Variants in TENM3 observed in about 807,000 individuals in gnomAD.
TENM3 encodes teneurin transmembrane protein 3, also known as teneurin-3.
Under a neutral mutation model 255.1 loss-of-function variants are expected in TENM3, and 63 were observed. The observed-to-expected ratio is 0.25, with a 90% CI of 0.20 to 0.30. The LOEUF (loss-of-function observed/expected upper bound fraction) is 0.30. Among genes scored for constraint, TENM3 ranks in the 10% least tolerant of loss-of-function variants. The pLI, the probability that TENM3 is intolerant of heterozygous loss-of-function variation, is 1.00. For synonymous variants in TENM3, 1,306 were observed against 1,322.3 expected, an observed-to-expected ratio of 0.99 and a Z score of 0.27; for missense variants, 2,929 against 3,461.1, an observed-to-expected ratio of 0.85 and a Z score of 3.86.
chr4:182,028,111 T>C, the TENM3 span, among the ~76,000 whole-genome samples: 4 of 152,166 alleles, frequency 2.6e-5, no homozygotes, highest in Non-Finnish European at 5.9e-5. Context: ...GGCTTTTCTT[T>C]ACAGGAAGAC....
At chr4:182,474,139 A>C (rs1171267422) in intron 3 of TENM3, among the ~76,000 whole-genome samples, 1 of 152,144 alleles carries the variant, frequency 6.6e-6, no homozygotes, top group Non-Finnish European at 1.5e-5. Flanking sequence ...AGATCAGCCA[A>C]GTCAATATAA....
chr4:181,731,393 AC>A, the TENM3 span, among the ~76,000 whole-genome samples: 1 of 152,146 alleles, frequency 6.6e-6, no homozygotes, highest in East Asian at 1.9e-4. Context: ...TCACTTTGTC[AC>A]CCGGGCTGGA....
At chr4:182,781,423 G>T (rs1765158177) in intron 24 of TENM3, among the ~76,000 whole-genome samples, 1 of 148,610 alleles carries the variant, frequency 6.7e-6, no homozygotes, top group Non-Finnish European at 1.5e-5. Flanking sequence ...GATCATGGTG[G>T]ATAAGCTTTT....
chr4:182,776,735 C>G (rs772387168), intron 24 of TENM3, among the ~76,000 whole-genome samples: 11 of 152,096 alleles, frequency 7.2e-5, no homozygotes, highest in Non-Finnish European at 2.9e-5. Context: ...GGTTCTCTGC[C>G]TAATCCTAAA....
chr4:181,655,375 C>A, the TENM3 span, among the ~76,000 whole-genome samples: 1 of 152,222 alleles, frequency 6.6e-6, no homozygotes, highest in African/African-American at 2.4e-5. Context: ...GAGAGAAGAT[C>A]ATTAGCAGGG....
At chr4:182,102,868 T>G in the TENM3 span, among the ~76,000 whole-genome samples, 1 of 152,192 alleles carries the variant, frequency 6.6e-6, no homozygotes, top group Non-Finnish European at 1.5e-5. Context: ...CATCAAGTAC[T>G]GTACTTAGGA....
At chr4:182,091,978 G>A in the TENM3 span, among the ~76,000 whole-genome samples, 3 of 152,140 alleles carry the variant, frequency 2.0e-5, no homozygotes, top group African/African-American at 7.2e-5. Flanking sequence ...TTATAGCTGT[G>A]CACCAGTCCT....
the TENM3 span, among the ~76,000 whole-genome samples, chr4:182,125,883 A>G: frequency 6.6e-6 from 1 of 152,120 alleles, no homozygotes; most frequent in African/African-American, 2.4e-5. Flanking sequence ...TGGTAGCAAA[A>G]TATGACAATG....
the TENM3 span, among the ~76,000 whole-genome samples, chr4:181,543,979 C>T: frequency 0.062 from 9,482 of 152,070 alleles, 382 homozygotes; most frequent in African/African-American, 0.1. Flanking sequence ...TGGGTCCATT[C>T]GCTGAACTGA....
At chr4:182,473,868 G>A (rs2151470231) in intron 3 of TENM3, among the ~76,000 whole-genome samples, 1 of 152,104 alleles carries the variant, frequency 6.6e-6, no homozygotes, top group Non-Finnish European at 1.5e-5. Context: ...TGAGGCTGGA[G>A]GATAGCTTGA....
At chr4:182,739,310 T>C (rs1334904375) in intron 18 of TENM3, among the ~76,000 whole-genome samples, 3 of 152,222 alleles carry the variant, frequency 2.0e-5, no homozygotes, top group Admixed American at 1.3e-4. Context: ...ATATTATTTA[T>C]ATGAAACACA....
chr4:181,768,332 AC>A, the TENM3 span, among the ~76,000 whole-genome samples: 1 of 152,154 alleles, frequency 6.6e-6, no homozygotes, highest in Non-Finnish European at 1.5e-5. Flanking sequence ...TCTAAAATTC[AC>A]CGGACAGCTC....
intron 3 of TENM3, among the ~76,000 whole-genome samples, chr4:182,381,625 G>A (rs528334178): frequency 2.9e-5 from 4 of 139,100 alleles, no homozygotes; most frequent in Non-Finnish European, 6.0e-5. Context: ...GTGTGATCTC[G>A]ATCTCGGCTC....
chr4:182,019,754 T>C, the TENM3 span, among the ~76,000 whole-genome samples: 2 of 152,124 alleles, frequency 1.3e-5, no homozygotes, highest in Non-Finnish European at 2.9e-5. Context: ...AACCTTGACC[T>C]TCCAGGCTTA....
chr4:182,098,331 A>T, the TENM3 span, among the ~76,000 whole-genome samples: 1 of 152,210 alleles, frequency 6.6e-6, no homozygotes, highest in Non-Finnish European at 1.5e-5. Context: ...TCCCACTGCT[A>T]GATATATACC....
intron 3 of TENM3, among the ~76,000 whole-genome samples, chr4:182,585,992 G>C (rs548163020): frequency 2.0e-4 from 30 of 152,328 alleles, no homozygotes; most frequent in Admixed American, 9.8e-4. Context: ...AGTGGCTCAC[G>C]CCTGTAATCC....
chr4:182,384,928 G>A (rs936127115), intron 3 of TENM3, among the ~76,000 whole-genome samples: 10 of 152,054 alleles, frequency 6.6e-5, no homozygotes, highest in South Asian at 2.1e-4. Context: ...CAGTTTTACA[G>A]ATTTTCTACT....
At chr4:182,535,719 G>A (rs1321489431) in intron 3 of TENM3, among the ~76,000 whole-genome samples, 4 of 150,362 alleles carry the variant, frequency 2.7e-5, no homozygotes, top group Non-Finnish European at 5.9e-5. Context: ...CACCCTGGGT[G>A]ACAAAGTGAG....
intron 1 of TENM3, among the ~76,000 whole-genome samples, chr4:182,169,886 G>A (rs1751985587): frequency 6.6e-6 from 1 of 151,922 alleles, no homozygotes; most frequent in Admixed American, 6.6e-5. Flanking sequence ...CAGTGTTTTT[G>A]TAATTTAATC....
Sources: allele counts gnomAD v4.1 joint callset (sites outside exome capture counted in the v4.1 genomes callset), GRCh38; gene constraint gnomAD v4.1.1; transcripts MANE v1.5; gene names NCBI Gene and HGNC (gene_info 2026-07-23, HGNC 2026-07-21).